CACNA1D: variants seen among roughly 807,000 people sequenced by gnomAD.
The protein encoded by CACNA1D is calcium voltage-gated channel subunit alpha1 D.
In CACNA1D, 55 loss-of-function variants were observed where a neutral mutation model predicts 257.1. The observed-to-expected ratio is 0.21, with a 90% CI of 0.17 to 0.27. The LOEUF (loss-of-function observed/expected upper bound fraction) is 0.27. Among genes scored for constraint, CACNA1D ranks in the 10% least tolerant of loss-of-function variants. The probability of loss-of-function intolerance (pLI) is 1.00; values close to 1 mark genes in which losing one functional copy is unlikely to be tolerated. For missense variants in CACNA1D, 1,876 were observed against 2,784.0 expected (o/e 0.67, Z 7.34); for synonymous variants, 980 against 1,014.9 (o/e 0.97, Z 0.65).
intron 32 of CACNA1D, among the ~76,000 whole-genome samples, chr3:53,770,844 G>A (rs567508518): frequency 2.6e-5 from 4 of 152,304 alleles, no homozygotes; most frequent in African/African-American, 7.2e-5. Context: ...CAGTGCCCCC[G>A]GGATGCCTGG....
chr3:53,770,122 C>T, intron 31 of CACNA1D, 105 bp downstream of exon 31: 4 of 986,468 alleles, frequency 4.1e-6, no homozygotes, highest in Admixed American at 1.7e-5. Context: ...ATTGTCCTTC[C>T]AGAACAGTGT....
intron 4 of CACNA1D, among the ~76,000 whole-genome samples, 196 bp from the exon 5 acceptor site, chr3:53,659,937 A>T (rs909102552): frequency 1.3e-5 from 2 of 152,204 alleles, no homozygotes; most frequent in Admixed American, 1.3e-4. Context: ...GATGAGGTTA[A>T]TCCCTGTCCC....
chr3:53,809,485 G>T, intron 46 of CACNA1D: 1 of 215,870 alleles, frequency 4.6e-6, no homozygotes, highest in Non-Finnish European at 9.4e-6. Context: ...TGCATCTGCC[G>T]TGGTGGGATT....
intron 16 of CACNA1D, among the ~76,000 whole-genome samples, chr3:53,730,783 C>G (rs1438118407): frequency 6.6e-6 from 1 of 152,118 alleles, no homozygotes; most frequent in Non-Finnish European, 1.5e-5. Flanking sequence ...GTCACGTGTC[C>G]CCATGCTTAA....
At chr3:53,613,833 T>C (rs1392870733) in intron 3 of CACNA1D, among the ~76,000 whole-genome samples, 1 of 152,112 alleles carries the variant, frequency 6.6e-6, no homozygotes, top group African/African-American at 2.4e-5. Context: ...GCTGTGCTGT[T>C]GGATCTCACA....
intron 8 of CACNA1D, among the ~76,000 whole-genome samples, chr3:53,684,029 A>G (rs541058393): frequency 6.6e-6 from 1 of 152,346 alleles, no homozygotes; most frequent in Admixed American, 6.5e-5. Context: ...TTTAACAGAA[A>G]GCAAATGGGA....
At chr3:53,564,837 T>C (rs972811177) in intron 3 of CACNA1D, among the ~76,000 whole-genome samples, 5 of 152,230 alleles carry the variant, frequency 3.3e-5, no homozygotes, top group African/African-American at 1.2e-4. Flanking sequence ...AGCCAGGACT[T>C]GAACCAAAGC....
rs765735509 is a variant in CACNA1D at position 53,803,412 on chromosome 3, C to T, written c.5436-11C>T. Reference sequence around the variant, plus strand: ...CTGCCCAGGTTCTCAGATCCTCTCTCCCAACTGCAGGTCCGACTCAGGAGA... The same window carrying T: ...CTGCCCAGGTTCTCAGATCCTCTCTTCCAACTGCAGGTCCGACTCAGGAGA... On this transcript the variant is annotated splice_polypyrimidine_tract_variant and intron_variant, in intron 43 of 47. Coordinates refer to ENST00000350061, the MANE Select transcript of CACNA1D (RefSeq NM_001128840.3). 3.7e-6 allele frequency: 6 copies of T among 1,614,026 alleles called. No homozygotes were observed. In the African/African-American group the frequency reaches 5.3e-5, roughly 14 times the overall value.
intron 3 of CACNA1D, among the ~76,000 whole-genome samples, chr3:53,628,919 C>G (rs899824546): frequency 4.6e-5 from 7 of 152,356 alleles, no homozygotes; most frequent in Middle Eastern, 3.4e-3. Context: ...TAGGTAATCA[C>G]TAGCATTCTC....
intron 3 of CACNA1D, among the ~76,000 whole-genome samples, chr3:53,620,912 G>A (rs1011286221): frequency 6.6e-6 from 1 of 152,220 alleles, no homozygotes; most frequent in Non-Finnish European, 1.5e-5. Flanking sequence ...TGAGGCCAGA[G>A]GAAGAAGGGA....
chr3:53,659,145 G>A (rs76775094), intron 4 of CACNA1D, among the ~76,000 whole-genome samples: 1,679 of 152,252 alleles, frequency 0.011, 32 homozygotes, highest in African/African-American at 0.039. Context: ...TCTGAAAAAC[G>A]AGCAATAATT....
chr3:53,561,320 G>T (rs775015081), intron 3 of CACNA1D, among the ~76,000 whole-genome samples: 9 of 152,114 alleles, frequency 5.9e-5, no homozygotes, highest in Admixed American at 1.3e-4. Flanking sequence ...CTGCGCTCTG[G>T]TCTGGACTTA....
chr3:53,713,994 G>A (rs897425790), intron 9 of CACNA1D, among the ~76,000 whole-genome samples: 2 of 152,132 alleles, frequency 1.3e-5, no homozygotes, highest in African/African-American at 4.8e-5. Context: ...CAAAATATAG[G>A]CCTTGAGCTT....
At chr3:53,597,954 T>C (rs1409420413) in intron 3 of CACNA1D, among the ~76,000 whole-genome samples, 1 of 152,234 alleles carries the variant, frequency 6.6e-6, no homozygotes, top group Non-Finnish European at 1.5e-5. Flanking sequence ...CTTTTGCGCC[T>C]ACCTGATATT....
At chr3:53,644,261 G>A (rs190048119) in intron 3 of CACNA1D, among the ~76,000 whole-genome samples, 5 of 152,180 alleles carry the variant, frequency 3.3e-5, no homozygotes, top group East Asian at 1.9e-4. Flanking sequence ...CATACACTGC[G>A]GAATGGCTAA....
chr3:53,587,723 A>G (rs2093242274), intron 3 of CACNA1D, among the ~76,000 whole-genome samples: 1 of 152,220 alleles, frequency 6.6e-6, no homozygotes. Context: ...AGCTCAAAAT[A>G]GGAACCTGAG....
At position 53,792,809 on chromosome 3, in the gene CACNA1D, C is replaced by T. The variant is rs2095490477; in HGVS notation, c.4923+5857C>T. Among the ~76,000 whole-genome samples, 4 of 152,140 alleles carry T rather than the reference C, an allele frequency of 2.6e-5. No homozygotes were observed. In the South Asian group the frequency reaches 8.3e-4, roughly 32 times the overall value. The stretch of plus-strand genomic sequence containing the variant: ...GCCCTTGGCTGCAGTCCTCACTGTA[C>T]CGAGAGGTCTAACCTACCTGGACTT... On this transcript the variant is annotated intron_variant, in intron 40 of 47. Transcript: ENST00000350061.
Position 53,774,420 on chromosome 3 carries a change from G to A in CACNA1D, c.4111-167G>A. ...GTTCCCAGTGTGTAACCTGCTGCCT[G>A]GCACATGGTTGTGCCTGGCAGATCT... On this transcript the variant is annotated intron_variant, in intron 33 of 47. Coordinates refer to ENST00000350061, the MANE Select transcript of CACNA1D (RefSeq NM_001128840.3). The surrounding 1 kb of genome is among the most constrained non-coding windows in gnomAD (Gnocchi z 4.3). The A allele has an allele frequency of 1.6e-6, 1 of 633,770 alleles. No individual in the cohort carries two copies. Among genetic ancestry groups the A allele is most frequent in the South Asian group, 1.8e-5 (1 of 55,806 alleles). The allele number at this position is 633,770 out of a possible 1,614,324, so 39.3% of individuals were successfully genotyped here.
chr3:53,784,664 C>T (rs894968103), intron 39 of CACNA1D, among the ~76,000 whole-genome samples: 1 of 152,142 alleles, frequency 6.6e-6, no homozygotes, highest in Non-Finnish European at 1.5e-5. Flanking sequence ...TTTCTGGGCC[C>T]CACAGAGAAG....
Sources: allele counts gnomAD v4.1 joint callset (sites outside exome capture counted in the v4.1 genomes callset), GRCh38; gene constraint gnomAD v4.1.1; non-coding constraint Gnocchi (gnomAD v3.1); transcripts MANE v1.5; gene names NCBI Gene and HGNC (gene_info 2026-07-23, HGNC 2026-07-21).